The following NSD1 variants were observed in gnomAD, a reference collection of about 807,000 sequenced individuals.
NSD1 encodes the protein histone-lysine N-methyltransferase, H3 lysine-36 specific.
NSD1 carries 26 observed loss-of-function variants against 242.7 expected under a neutral mutation model. The ratio of observed to expected loss-of-function variants is 0.11; its 90% CI spans 0.08 to 0.15. The LOEUF is 0.15. Among genes scored for constraint, NSD1 ranks in the 10% least tolerant of loss-of-function variants. NSD1 has a pLI of 1.00. For synonymous variants in NSD1, 1,106 were observed against 1,178.1 expected, an observed-to-expected ratio of 0.94 and a Z score of 1.25; for missense variants, 2,495 against 3,272.8, an observed-to-expected ratio of 0.76 and a Z score of 5.80.
intron 5 of NSD1, among the ~76,000 whole-genome samples, 163 bp downstream of exon 5, chr5:177,212,358 T>G (rs1186480683): frequency 1.3e-5 from 2 of 152,160 alleles, no homozygotes; most frequent in Non-Finnish European, 2.9e-5. Flanking sequence ...AGGTCTGAAT[T>G]TTGAAGATGA....
chr5:177,215,795 C>T (rs1201275176), intron 5 of NSD1, among the ~76,000 whole-genome samples: 1 of 152,114 alleles, frequency 6.6e-6, no homozygotes, highest in Non-Finnish European at 1.5e-5. Flanking sequence ...ACCCGGCCTA[C>T]TTTTAATTTG....
intron 2 of NSD1, among the ~76,000 whole-genome samples, chr5:177,140,232 T>C (rs1756700408): frequency 6.6e-6 from 1 of 152,220 alleles, no homozygotes; most frequent in Non-Finnish European, 1.5e-5. Context: ...CTTCCCAGTG[T>C]ACAAAGGTTT....
chr5:177,145,908 C>CA (rs35091295), intron 2 of NSD1, among the ~76,000 whole-genome samples: 88,775 of 119,666 alleles, frequency 0.74, 32,994 homozygotes, highest in East Asian at 0.98. Flanking sequence ...AACTCCATCT[C>CA]AAAAAAAAAA....
chr5:177,166,273 C>T (rs1194075121), intron 2 of NSD1, among the ~76,000 whole-genome samples: 2 of 151,942 alleles, frequency 1.3e-5, no homozygotes, highest in Admixed American at 1.3e-4. Context: ...TAGGGTTGGG[C>T]AAGGTGGCTT....
At position 177,160,618 on chromosome 5, in the gene NSD1, A is replaced by G. The variant is rs563208228; in HGVS notation, c.927+24588A>G. On this transcript the variant is annotated intron_variant, in intron 2 of 22. Transcript: ENST00000439151. ...GTGCCCCGCCTGCAATTACTTCTTA[A>G]GTTCTCAATTAAAAGAGAGTTTATC... is the stretch of plus-strand genomic sequence containing the variant. Among the ~76,000 whole-genome samples, 17 of 152,084 alleles carry G rather than the reference A, an allele frequency of 1.1e-4. No individual in the cohort carries two copies. In the South Asian group the frequency reaches 3.5e-3, roughly 32 times the overall value.
At chr5:177,204,009 T>G in intron 3 of NSD1, 111 bp from the exon 4 acceptor site, 3 of 1,011,660 alleles carry the variant, frequency 3.0e-6, no homozygotes, top group Non-Finnish European at 3.1e-6. Flanking sequence ...TCAGTGGGCA[T>G]GTTAGTTGTT....
At chr5:177,271,359 C>G (rs1352992413) in intron 16 of NSD1, among the ~76,000 whole-genome samples, 1 of 152,052 alleles carries the variant, frequency 6.6e-6, no homozygotes, top group African/African-American at 2.4e-5. Flanking sequence ...TTGCCAGACC[C>G]TGTTCTGTGT....
intron 12 of NSD1, among the ~76,000 whole-genome samples, chr5:177,252,460 G>A (rs774299006): frequency 1.3e-5 from 2 of 148,360 alleles, no homozygotes; most frequent in Non-Finnish European, 3.0e-5. Flanking sequence ...ATAATGCTTA[G>A]ATTGGGTTAG....
rs918291155 is a variant in NSD1 at position 177,299,519 on chromosome 5, C to A, written c.*4060C>A. ...TCTGGTTGTTGGGTCTTCCTCAGCT[C>A]CCTTCTGCCCCTCTCTACCTCTTCC... On this transcript the variant is annotated 3_prime_UTR_variant, in exon 23 of 23. Transcript: ENST00000439151. 4.3e-6 allele frequency: 1 copy of A among 233,236 alleles called. No homozygotes were observed. Among genetic ancestry groups the A allele is most frequent in the Non-Finnish European group, 8.5e-6 (1 of 118,078 alleles). The allele number at this position is 233,236 out of a possible 1,614,324, so 14.4% of individuals were successfully genotyped here.
intron 2 of NSD1, among the ~76,000 whole-genome samples, chr5:177,181,686 A>G (rs1489630554): frequency 6.6e-6 from 1 of 151,042 alleles, no homozygotes; most frequent in Non-Finnish European, 1.5e-5. Flanking sequence ...TTGGCCTCCC[A>G]AAGTGCTGGG....
chr5:177,155,756 G>A (rs567098210), intron 2 of NSD1, among the ~76,000 whole-genome samples: 2 of 151,618 alleles, frequency 1.3e-5, no homozygotes, highest in Non-Finnish European at 2.9e-5. Flanking sequence ...ACACAATCTC[G>A]GTTCACTGCA....
chr5:177,148,877 G>A (rs1256170836), intron 2 of NSD1, among the ~76,000 whole-genome samples: 1 of 152,178 alleles, frequency 6.6e-6, no homozygotes, highest in Non-Finnish European at 1.5e-5. Flanking sequence ...GAAGTGCAGT[G>A]GCACGATCTC....
chr5:177,296,226 TCTGGG>T lies in NSD1; in HGVS notation c.*771_*775del, dbSNP rs576782840. The T allele has an allele frequency of 7.6e-5, 18 of 236,148 alleles. 1 individual carries two copies. In the South Asian group the frequency reaches 3.0e-3, roughly 39 times the overall value. 14.6% of individuals were successfully genotyped at this position (236,148 alleles called of 1,614,324 possible). On this transcript the variant is annotated 3_prime_UTR_variant, in exon 23 of 23. Transcript: ENST00000439151. ...TGTGGGGTCGCCGCTGCTGCTTTTG[TCTGGG>T]CTGTGCAGAGTCTCAAGATCAGTCC... is the stretch of plus-strand genomic sequence containing the variant.
chr5:177,264,545 G>T (rs1236610605), intron 14 of NSD1, among the ~76,000 whole-genome samples: 1 of 152,240 alleles, frequency 6.6e-6, no homozygotes, highest in South Asian at 2.1e-4. Context: ...TTTAGCAGCA[G>T]ACACATTTCC....
chr5:177,284,455 G>GTT (rs200585056), intron 20 of NSD1, among the ~76,000 whole-genome samples: 1 of 147,214 alleles, frequency 6.8e-6, no homozygotes, highest in African/African-American at 2.5e-5. Context: ...TTTGTTTTTT[G>GTT]TTTTTTTTTT....
chr5:177,226,067 G>C (rs764830081), intron 5 of NSD1, among the ~76,000 whole-genome samples: 8 of 151,938 alleles, frequency 5.3e-5, no homozygotes, highest in Non-Finnish European at 8.8e-5. Context: ...TTGTTTTTGA[G>C]ACAGGGTCTC....
In NSD1 at chr5:177,210,536, A is replaced by G. The variant is rs1763252844; in HGVS notation, c.2137A>G (p.Met713Val). ...LISNSHTDHL[M>V]GCTKSAEPGT... ...TAGTAACTCACATACAGACCACTTA[A>G]TGGGTTGTACTAAGAGTGCAGAGCC... Residue 713 changes from methionine to valine, a missense_variant, in exon 5 of 23, where the codon ATG becomes GTG. Physicochemically the swap from Met to Val is conservative, Grantham distance 21. This residue lies in a region of NSD1 where 515 missense variants were observed against 467.0 expected (regional missense o/e 1.10). Transcript: ENST00000439151. 5 of 1,614,184 alleles carry G rather than the reference A, an allele frequency of 3.1e-6. No homozygotes were observed. Among genetic ancestry groups the G allele is most frequent in the Non-Finnish European group, 4.2e-6 (5 of 1,180,012 alleles).
chr5:177,177,342 C>T (rs1263976490), intron 2 of NSD1, among the ~76,000 whole-genome samples: 1 of 151,954 alleles, frequency 6.6e-6, no homozygotes, highest in Non-Finnish European at 1.5e-5. Flanking sequence ...TGGTGAAACC[C>T]CCTCTCTACT....
chr5:177,265,161 C>T, intron 14 of NSD1: 1 of 763,182 alleles, frequency 1.3e-6, no homozygotes, highest in African/African-American at 1.7e-5. Flanking sequence ...GCTTGCTCCA[C>T]TCAGAGAAGC....
Sources: gnomAD v4.1 joint callset for allele counts (sites outside exome capture counted in the v4.1 genomes callset) on GRCh38, gnomAD v4.1.1 for gene constraint, gnomAD v4.1.1 regional missense constraint, MANE v1.5 for transcripts, NCBI Gene and HGNC (gene_info 2026-07-23, HGNC 2026-07-21) for gene names.